The following DENND1B variants were observed in gnomAD, a reference collection of about 807,000 sequenced individuals.
The protein encoded by DENND1B is DENN domain-containing protein 1B.
A neutral mutation model predicts 90.1 loss-of-function variants in DENND1B; 59 were observed. The observed-to-expected ratio is 0.65, with a 90% CI of 0.53 to 0.81. The LOEUF is 0.81. Among genes scored for constraint, DENND1B ranks in the 40% least tolerant of loss-of-function variants. DENND1B has a pLI of 0.00. For synonymous variants in DENND1B, 337 were observed against 324.6 expected (o/e 1.04, Z -0.41); for missense variants, 862 against 912.6 (o/e 0.94, Z 0.71).
At chr1:197,735,298 T>G (rs1224581335) in intron 2 of DENND1B, 13 of 1,212,182 alleles carry the variant, frequency 1.1e-5, no homozygotes, top group Non-Finnish European at 1.4e-5. Flanking sequence ...GGCTTTATTC[T>G]ACTATACCTC....
intron 2 of DENND1B, among the ~76,000 whole-genome samples, chr1:197,754,087 A>C (rs1653940709): frequency 6.6e-6 from 1 of 152,012 alleles, no homozygotes; most frequent in African/African-American, 2.4e-5. Context: ...AAAACCTGTA[A>C]ATTATTTTAA....
chr1:197,730,615 C>T (rs1226962908), intron 2 of DENND1B, among the ~76,000 whole-genome samples: 1 of 151,998 alleles, frequency 6.6e-6, no homozygotes, highest in Non-Finnish European at 1.5e-5. Context: ...CGGTTAATCA[C>T]ATGTTTAAAG....
At chr1:197,714,929 A>G (rs1660494551) in intron 3 of DENND1B, 102 bp downstream of exon 3, 1 of 825,962 alleles carries the variant, frequency 1.2e-6, no homozygotes, top group Non-Finnish European at 2.0e-6. Flanking sequence ...AATTTTAGCA[A>G]TCCATGTTCA....
intron 10 of DENND1B, among the ~76,000 whole-genome samples, chr1:197,641,005 G>C (rs1298857590): frequency 6.6e-6 from 1 of 152,178 alleles, no homozygotes; most frequent in Non-Finnish European, 1.5e-5. Flanking sequence ...ATGGAAACCT[G>C]TCCATCACTG....
At chr1:197,608,034 T>C (rs1676849538) in intron 12 of DENND1B, among the ~76,000 whole-genome samples, 1 of 150,676 alleles carries the variant, frequency 6.6e-6, no homozygotes, top group African/African-American at 2.4e-5. Context: ...AATTTCATAA[T>C]TGTATAAGTC....
At chr1:197,777,637 C>A (rs982386494), upstream of DENND1B, among the ~76,000 whole-genome samples, 3 of 152,104 alleles carry the variant, frequency 2.0e-5, no homozygotes, top group Non-Finnish European at 2.9e-5. Flanking sequence ...GTACAAAGGG[C>A]AAACCTTCAA....
intron 15 of DENND1B, among the ~76,000 whole-genome samples, chr1:197,560,469 C>A (rs1300524253): frequency 1.3e-5 from 2 of 151,808 alleles, no homozygotes; most frequent in Non-Finnish European, 2.9e-5. Flanking sequence ...GTTAGGAAAT[C>A]TAGGGCAAGG....
chr1:197,729,156 G>A (rs1661923611), intron 2 of DENND1B, among the ~76,000 whole-genome samples: 1 of 152,000 alleles, frequency 6.6e-6, no homozygotes, highest in Non-Finnish European at 1.5e-5. Flanking sequence ...CCCACTTCCA[G>A]ACAATAACCA....
intron 10 of DENND1B, among the ~76,000 whole-genome samples, chr1:197,635,298 C>T (rs1679686943): frequency 6.6e-6 from 1 of 152,050 alleles, no homozygotes; most frequent in Non-Finnish European, 1.5e-5. Flanking sequence ...TCAATACATA[C>T]ATGAACACAC....
intron 10 of DENND1B, among the ~76,000 whole-genome samples, chr1:197,624,233 T>C (rs1277176641): frequency 1.3e-5 from 2 of 151,628 alleles, no homozygotes; most frequent in African/African-American, 4.8e-5. Flanking sequence ...ATTAGATCAA[T>C]GAAACAGAAT....
At chr1:197,656,880 T>C (rs930327295) in intron 6 of DENND1B, among the ~76,000 whole-genome samples, 1 of 152,106 alleles carries the variant, frequency 6.6e-6, no homozygotes. Flanking sequence ...ATTTTGTTCA[T>C]TCAAAAGCAA....
At chr1:197,781,055 ACC>A in the DENND1B span, among the ~76,000 whole-genome samples, 4 of 152,308 alleles carry the variant, frequency 2.6e-5, no homozygotes, top group South Asian at 4.1e-4. Context: ...AGTTACTGAT[ACC>A]CAGGACTACT....
chr1:197,604,466 A>G (rs895196347), intron 13 of DENND1B, among the ~76,000 whole-genome samples: 6 of 151,280 alleles, frequency 4.0e-5, no homozygotes, highest in African/African-American at 1.2e-4. Context: ...AGCATGCAAC[A>G]CAGCAGAGGG....
intron 5 of DENND1B, among the ~76,000 whole-genome samples, chr1:197,668,662 T>G (rs1393361076): frequency 6.6e-6 from 1 of 151,566 alleles, no homozygotes; most frequent in African/African-American, 2.4e-5. Context: ...ACATATACAT[T>G]GTGGAATGAC....
intron 10 of DENND1B, among the ~76,000 whole-genome samples, chr1:197,634,429 A>T (rs1298526578): frequency 6.6e-6 from 1 of 152,196 alleles, no homozygotes; most frequent in Non-Finnish European, 1.5e-5. Flanking sequence ...TCAATGAATG[A>T]ACAAATGAAC....
chr1:197,647,093 A>C lies in DENND1B; in HGVS notation c.469T>G (p.Cys157Gly). The change falls in exon 8 of 23, where the codon TGT becomes GGT. Residue 157 changes from cysteine to glycine, a missense_variant. Physicochemically the swap from Cys to Gly is radical, Grantham distance 159. Coordinates refer to ENST00000620048, the MANE Select transcript of DENND1B (RefSeq NM_001195215.2). ...LSVNQEIFIA[C>G]EQVLKDQPAL... is the part of the protein sequence containing the mutation. ...GGCTGATCTTTCAGAACTTGCTCAC[A>C]GGCAATAAATATCTCTTGGTTCTTA... 1 of 1,464,026 alleles carries C rather than the reference A, an allele frequency of 6.8e-7. No individual in the cohort carries two copies. Among genetic ancestry groups the C allele is most frequent in the Non-Finnish European group, 9.0e-7 (1 of 1,116,256 alleles). 90.7% of individuals were successfully genotyped at this position (1,464,026 alleles called of 1,614,324 possible).
intron 20 of DENND1B, among the ~76,000 whole-genome samples, chr1:197,518,479 C>T (rs1668551850): frequency 1.3e-5 from 2 of 151,792 alleles, no homozygotes; most frequent in Admixed American, 6.6e-5. Context: ...TCTAGAAAAC[C>T]AGGAACCTTA....
intron 6 of DENND1B, among the ~76,000 whole-genome samples, chr1:197,657,286 C>T (rs1653938680): frequency 6.6e-6 from 1 of 152,156 alleles, no homozygotes; most frequent in Non-Finnish European, 1.5e-5. Flanking sequence ...CAACTTTTGA[C>T]TCAATACCTA....
intron 2 of DENND1B, chr1:197,746,994 G>T: frequency 1.1e-6 from 1 of 949,344 alleles, no homozygotes; most frequent in Non-Finnish European, 1.7e-6. Context: ...TCTCTTCAAG[G>T]CCTGATTTCT....
Sources: allele counts gnomAD v4.1 joint callset (sites outside exome capture counted in the v4.1 genomes callset), GRCh38; gene constraint gnomAD v4.1.1; transcripts MANE v1.5; gene names NCBI Gene and HGNC (gene_info 2026-07-23, HGNC 2026-07-21).